LRMDA: variants seen among roughly 807,000 people sequenced by gnomAD.
The protein encoded by LRMDA is leucine rich melanocyte differentiation associated.
In LRMDA, 18 loss-of-function variants were observed where a neutral mutation model predicts 29.8. The ratio of observed to expected loss-of-function variants is 0.60; its 90% CI spans 0.42 to 0.90. The LOEUF (loss-of-function observed/expected upper bound fraction) is 0.90, where lower values mean the gene tolerates loss of function less well. Among genes scored for constraint, LRMDA ranks in the 40% least tolerant of loss-of-function variants. The pLI is 0.00. For missense variants in LRMDA, 273 were observed against 273.9 expected (o/e 1.00, Z 0.02); for synonymous variants, 125 against 109.4 (o/e 1.14, Z -0.89).
At chr10:76,507,187 T>C (rs1842967432) in intron 6 of LRMDA, among the ~76,000 whole-genome samples, 1 of 136,686 alleles carries the variant, frequency 7.3e-6, no homozygotes, top group Admixed American at 7.7e-5. Context: ...AGTTCCTTGA[T>C]GATTAGCAAT....
At chr10:75,586,003 T>C (rs1840650839) in intron 2 of LRMDA, among the ~76,000 whole-genome samples, 1 of 152,242 alleles carries the variant, frequency 6.6e-6, no homozygotes, top group South Asian at 2.1e-4. Flanking sequence ...TATTGCAGAA[T>C]TTCCTCCCTT....
intron 6 of LRMDA, among the ~76,000 whole-genome samples, chr10:76,413,137 T>C (rs570642606): frequency 9.1e-4 from 138 of 152,260 alleles, no homozygotes; most frequent in African/African-American, 3.1e-3. Flanking sequence ...ATCCCTTAAT[T>C]GTGACCTTTT....
intron 6 of LRMDA, among the ~76,000 whole-genome samples, chr10:76,482,062 A>G (rs1004584867): frequency 6.6e-6 from 1 of 151,630 alleles, no homozygotes; most frequent in African/African-American, 2.4e-5. Flanking sequence ...TGCCTGTCCA[A>G]TTTTTTCTCT....
chr10:75,663,554 G>T (rs1841782261), intron 2 of LRMDA, among the ~76,000 whole-genome samples: 1 of 152,184 alleles, frequency 6.6e-6, no homozygotes, highest in African/African-American at 2.4e-5. Flanking sequence ...TCTCAGTTCA[G>T]ACTGTTATGT....
At chr10:75,879,681 G>A (rs1410299714) in intron 2 of LRMDA, among the ~76,000 whole-genome samples, 3 of 152,156 alleles carry the variant, frequency 2.0e-5, no homozygotes, top group Non-Finnish European at 2.9e-5. Context: ...GTTCCTTGGG[G>A]TCTTATGAAA....
intron 5 of LRMDA, among the ~76,000 whole-genome samples, chr10:76,213,327 G>A (rs554717513): frequency 6.6e-6 from 1 of 152,212 alleles, no homozygotes; most frequent in South Asian, 2.1e-4. Context: ...ATGCTGCCTT[G>A]GTAATTTTAC....
intron 2 of LRMDA, among the ~76,000 whole-genome samples, chr10:75,757,424 C>T (rs1270276397): frequency 5.3e-5 from 8 of 152,226 alleles, no homozygotes; most frequent in South Asian, 2.1e-4. Flanking sequence ...GAGGTTAGAA[C>T]GTCTAGCTAT....
intron 2 of LRMDA, among the ~76,000 whole-genome samples, chr10:75,505,911 A>G (rs1174232448): frequency 1.3e-5 from 2 of 152,178 alleles, no homozygotes; most frequent in South Asian, 4.1e-4. Context: ...ATGTTTATTA[A>G]GAGTCTACTA....
intron 2 of LRMDA, among the ~76,000 whole-genome samples, chr10:75,711,325 T>A (rs1025690025): frequency 1.6e-4 from 25 of 152,146 alleles, no homozygotes; most frequent in Admixed American, 6.5e-5. Context: ...GGCCTCAGCT[T>A]TCTTAGTTGC....
intron 2 of LRMDA, among the ~76,000 whole-genome samples, chr10:75,728,120 A>G (rs761255908): frequency 4.6e-5 from 7 of 152,222 alleles, no homozygotes; most frequent in Non-Finnish European, 8.8e-5. Flanking sequence ...GAGGTTCCCA[A>G]CTTTGCCAGA....
At chr10:75,483,732 T>G (rs1844877830) in intron 2 of LRMDA, among the ~76,000 whole-genome samples, 1 of 152,230 alleles carries the variant, frequency 6.6e-6, no homozygotes, top group African/African-American at 2.4e-5. Context: ...CTGTCTCTTC[T>G]CTAAAAGTTT....
intron 5 of LRMDA, among the ~76,000 whole-genome samples, chr10:76,146,476 G>C (rs1200766763): frequency 1.3e-5 from 2 of 151,200 alleles, no homozygotes; most frequent in Non-Finnish European, 2.9e-5. Flanking sequence ...TATCTTTGTT[G>C]GTTTAAAGTC....
At chr10:76,348,740 ACT>A (rs1841139385) in intron 6 of LRMDA, among the ~76,000 whole-genome samples, 1 of 152,212 alleles carries the variant, frequency 6.6e-6, no homozygotes, top group Non-Finnish European at 1.5e-5. Context: ...TATGCAAGAC[ACT>A]GTACATGTGT....
intron 2 of LRMDA, among the ~76,000 whole-genome samples, chr10:75,653,391 A>C (rs1216604375): frequency 2.0e-5 from 3 of 152,122 alleles, no homozygotes; most frequent in Non-Finnish European, 2.9e-5. Context: ...GAAAAGTCAA[A>C]ATTTTCAGTT....
chr10:75,856,978 G>C (rs1844838700), intron 2 of LRMDA, among the ~76,000 whole-genome samples: 1 of 152,162 alleles, frequency 6.6e-6, no homozygotes, highest in African/African-American at 2.4e-5. Context: ...GGCAACTTCA[G>C]CAAAGTCTCA....
chr10:76,535,540 A>T (rs1003431877), intron 6 of LRMDA, among the ~76,000 whole-genome samples: 1 of 152,200 alleles, frequency 6.6e-6, no homozygotes, highest in Non-Finnish European at 1.5e-5. Flanking sequence ...TAGAGACTTG[A>T]AAACTGCTCA....
At chr10:75,622,986 A>G (rs978782423) in intron 2 of LRMDA, among the ~76,000 whole-genome samples, 1 of 152,238 alleles carries the variant, frequency 6.6e-6, no homozygotes, top group Non-Finnish European at 1.5e-5. Context: ...CATAATATTA[A>G]TTAAGCCGTA....
chr10:75,723,752 G>A, intron 2 of LRMDA, among the ~76,000 whole-genome samples: 1 of 152,202 alleles, frequency 6.6e-6, no homozygotes, highest in Non-Finnish European at 1.5e-5. Flanking sequence ...ACATAAAATT[G>A]CACTGATGTA....
At chr10:75,859,989 T>A (rs1002335390) in intron 2 of LRMDA, among the ~76,000 whole-genome samples, 4 of 152,182 alleles carry the variant, frequency 2.6e-5, no homozygotes, top group East Asian at 1.9e-4. Context: ...ACACCATTTG[T>A]TTTTAGGTCA....
Sources: allele counts gnomAD v4.1 joint callset (sites outside exome capture counted in the v4.1 genomes callset), GRCh38; gene constraint gnomAD v4.1.1; transcripts MANE v1.5; gene names NCBI Gene and HGNC (gene_info 2026-07-23, HGNC 2026-07-21).